The following MAP3K21 variants were observed in gnomAD, a reference collection of about 807,000 sequenced individuals.
MAP3K21 encodes mitogen-activated protein kinase kinase kinase 21.
In MAP3K21, 63 loss-of-function variants were observed where a neutral mutation model predicts 86.1. That is an observed-to-expected ratio of 0.73 (90% CI 0.60 to 0.90). MAP3K21 has a LOEUF of 0.90. Among genes scored for constraint, MAP3K21 ranks in the 40% least tolerant of loss-of-function variants. MAP3K21 has a pLI of 0.00. For synonymous variants in MAP3K21, 558 were observed against 564.8 expected (o/e 0.99, Z 0.17); for missense variants, 1,220 against 1,367.7 (o/e 0.89, Z 1.70).
chr1:233,341,917 A>G (rs1406965427), intron 1 of MAP3K21, among the ~76,000 whole-genome samples: 3 of 152,154 alleles, frequency 2.0e-5, no homozygotes, highest in East Asian at 3.9e-4. Context: ...GGTGATAGGA[A>G]CAATTATTGT....
intron 4 of MAP3K21, among the ~76,000 whole-genome samples, chr1:233,356,415 A>AT (rs1192960067): frequency 1.3e-5 from 2 of 152,214 alleles, no homozygotes; most frequent in Non-Finnish European, 2.9e-5. Flanking sequence ...CCTGATGTCT[A>AT]TTTTAATAAT....
At chr1:233,378,849 T>C in intron 8 of MAP3K21, 82 bp from the exon 9 acceptor site, 2 of 982,970 alleles carry the variant, frequency 2.0e-6, no homozygotes, top group South Asian at 1.7e-5. Flanking sequence ...TTTATTATAT[T>C]TTAGCTTTAT....
rs1663800802 is a variant in MAP3K21, at chr1:233,376,486, A to G, written c.1883A>G (p.Gln628Arg). The change falls in exon 8 of 10, where the codon CAG becomes CGG. Residue 628 changes from glutamine (Q) to arginine (R), a missense_variant. Transcript: ENST00000366624. ...TGGTCAACTATCTTAATAAAAAATC[A>G]GAAAACCATGCCCTTGGCTTCATTG... ...SPWSTILIKN[Q>R]KTMPLASLFV... The G allele has an allele frequency of 6.2e-7, 1 of 1,613,752 alleles. No homozygotes were observed. Among genetic ancestry groups the G allele is most frequent in the South Asian group, 1.1e-5 (1 of 91,030 alleles).
chr1:233,356,091 T>C (rs1663347227), intron 4 of MAP3K21, among the ~76,000 whole-genome samples: 1 of 152,180 alleles, frequency 6.6e-6, no homozygotes, highest in African/African-American at 2.4e-5. Flanking sequence ...GAGGATCCTG[T>C]TTCCTCCCTA....
rs1165742801 is a variant in MAP3K21 at position 233,379,581 on chromosome 1, T to A, written c.2575T>A (p.Cys859Ser). ...CCTCATGCCAAGACTTGACACTGAT[T>A]GTAGTGTATCAAGAAACTTGCCGTC... ...PALMPRLDTD[C>S]SVSRNLPSSF... is the part of the protein sequence containing the mutation. The change falls in exon 9 of 10, where the codon TGT becomes AGT. Residue 859 changes from cysteine (C) to serine (S), a missense_variant. Cys to Ser is a moderately radical substitution (Grantham distance 112). Around this residue, in one of 5 missense-constraint regions of MAP3K21, gnomAD observed 632 missense variants for 691.3 expected, o/e 0.91. Coordinates refer to ENST00000366624, the MANE Select transcript of MAP3K21 (RefSeq NM_032435.3). 2 of 1,614,156 alleles carry A rather than the reference T, an allele frequency of 1.2e-6. No individual in the cohort carries two copies.
At chr1:233,338,224 G>T (rs531737737) in intron 1 of MAP3K21, among the ~76,000 whole-genome samples, 1 of 152,296 alleles carries the variant, frequency 6.6e-6, no homozygotes, top group South Asian at 2.1e-4. Context: ...GTGAAGTTCT[G>T]TTTTAGCTTA....
At chr1:233,382,280 A>C (rs374836002) in intron 9 of MAP3K21, 25 bp from the exon 10 acceptor site, 9 of 1,585,058 alleles carry the variant, frequency 5.7e-6, no homozygotes, top group Admixed American at 5.3e-5. Flanking sequence ...TTCTAACTGC[A>C]TACTGTTTTG....
intron 1 of MAP3K21, among the ~76,000 whole-genome samples, chr1:233,345,294 G>A (rs916369101): frequency 6.6e-6 from 1 of 152,144 alleles, no homozygotes; most frequent in Non-Finnish European, 1.5e-5. Context: ...TATCTTTATT[G>A]CAGTACTATT....
intron 6 of MAP3K21, chr1:233,373,559 C>T (rs777820068): frequency 3.9e-5 from 6 of 152,266 alleles, no homozygotes; most frequent in Non-Finnish European, 8.8e-5. Context: ...CTAATCGAGA[C>T]AGTCCACACA....
At chr1:233,373,774 T>C (rs981054631) in intron 6 of MAP3K21, 2 of 152,230 alleles carry the variant, frequency 1.3e-5, no homozygotes, top group Non-Finnish European at 2.9e-5. Flanking sequence ...CTGACCCAAG[T>C]TGGTAGCTAC....
Position 233,384,161 on chromosome 1 carries a change from G to A in MAP3K21, c.*1450G>A, listed in dbSNP as rs1446867359. ...TCATTTAAAATTGCACCTTGCTTAA[G>A]GTTTACTGAATAACTGAAATGTCAG... is the stretch of plus-strand genomic sequence containing the variant. On this transcript the variant is annotated 3_prime_UTR_variant, in exon 10 of 10. Coordinates refer to ENST00000366624, the MANE Select transcript of MAP3K21 (RefSeq NM_032435.3). The A allele has an allele frequency of 6.6e-6, 1 of 152,116 alleles. No individual in the cohort carries two copies. Among genetic ancestry groups the A allele is most frequent in the Non-Finnish European group, 1.5e-5 (1 of 68,006 alleles). The allele number at this position is 152,116 out of a possible 1,614,324, so 9.4% of individuals were successfully genotyped here.
intron 2 of MAP3K21, among the ~76,000 whole-genome samples, chr1:233,351,950 G>A (rs549717780): frequency 6.6e-6 from 1 of 152,236 alleles, no homozygotes; most frequent in South Asian, 2.1e-4. Context: ...CTGTGGTGGT[G>A]CAATCACAGC....
At chr1:233,352,505 A>G (rs1166692380) in intron 2 of MAP3K21, among the ~76,000 whole-genome samples, 1 of 151,290 alleles carries the variant, frequency 6.6e-6, no homozygotes, top group African/African-American at 2.4e-5. Context: ...ATCTCGGCTC[A>G]GTGCAACCTC....
chr1:233,332,837 ATT>A (rs35115370), intron 1 of MAP3K21, among the ~76,000 whole-genome samples: 2 of 150,932 alleles, frequency 1.3e-5, no homozygotes, highest in African/African-American at 4.9e-5. Flanking sequence ...ATTGTGTTCT[ATT>A]TTTTTTTTCT....
intron 2 of MAP3K21, among the ~76,000 whole-genome samples, chr1:233,347,564 G>A (rs1480309448): frequency 1.3e-5 from 2 of 152,156 alleles, no homozygotes. Context: ...TGAAAAGAGT[G>A]GAATCACGTC....
At chr1:233,375,156 C>A (rs151140695) in intron 6 of MAP3K21, among the ~76,000 whole-genome samples, 9 of 151,970 alleles carry the variant, frequency 5.9e-5, no homozygotes, top group Admixed American at 5.2e-4. Context: ...GTTGGCCAGG[C>A]TGGTCTCGAA....
chr1:233,330,946 G>T (rs1274884261), intron 1 of MAP3K21, among the ~76,000 whole-genome samples: 4 of 151,986 alleles, frequency 2.6e-5, no homozygotes, highest in East Asian at 1.9e-4. Flanking sequence ...TTTTTATAAA[G>T]TTTTATAAAG....
At chr1:233,358,654 G>A (rs895659475) in intron 4 of MAP3K21, among the ~76,000 whole-genome samples, 3 of 152,086 alleles carry the variant, frequency 2.0e-5, no homozygotes, top group South Asian at 2.1e-4. Context: ...CTGGCTGGGT[G>A]TGATGGCTTG....
At chr1:233,377,545 C>T (rs1419732170) in intron 8 of MAP3K21, among the ~76,000 whole-genome samples, 6 of 152,086 alleles carry the variant, frequency 3.9e-5, no homozygotes, top group Admixed American at 2.0e-4. Flanking sequence ...AAACAAAAGG[C>T]ACCACAGGGA....
Sources: allele counts gnomAD v4.1 joint callset (sites outside exome capture counted in the v4.1 genomes callset), GRCh38; gene constraint gnomAD v4.1.1; regional missense constraint gnomAD v4.1.1; transcripts MANE v1.5; gene names NCBI Gene and HGNC (gene_info 2026-07-23, HGNC 2026-07-21).